PDE3B: variants seen among roughly 807,000 people sequenced by gnomAD.
The protein encoded by PDE3B is cGMP-inhibited 3',5'-cyclic phosphodiesterase 3B.
PDE3B carries 66 observed loss-of-function variants against 116.8 expected under a neutral mutation model. The observed-to-expected ratio is 0.56, with a 90% CI of 0.46 to 0.69. The LOEUF (loss-of-function observed/expected upper bound fraction) is 0.69, where lower values mean the gene tolerates loss of function less well. Among genes scored for constraint, PDE3B ranks in the 30% least tolerant of loss-of-function variants. The pLI is 0.00. For synonymous variants in PDE3B, 595 were observed against 533.6 expected, an observed-to-expected ratio of 1.12 and a Z score of -1.59; for missense variants, 1,384 against 1,368.1, an observed-to-expected ratio of 1.01 and a Z score of -0.18.
intron 4 of PDE3B, among the ~76,000 whole-genome samples, chr11:14,790,291 G>A (rs1346417506): frequency 1.3e-5 from 2 of 150,956 alleles, no homozygotes; most frequent in African/African-American, 4.9e-5. Context: ...AGGAAAATGA[G>A]CATTGGTCCA....
chr11:14,733,484 A>G (rs1856517517), intron 1 of PDE3B, among the ~76,000 whole-genome samples: 1 of 152,230 alleles, frequency 6.6e-6, no homozygotes, highest in Admixed American at 6.5e-5. Flanking sequence ...AATCTTGGTG[A>G]ATTAAATTCA....
chr11:14,758,235 T>C (rs1019253932), intron 1 of PDE3B, among the ~76,000 whole-genome samples: 6 of 151,670 alleles, frequency 4.0e-5, no homozygotes, highest in African/African-American at 1.5e-4. Flanking sequence ...AGTCAGGTAG[T>C]GTGATGCCTC....
chr11:14,716,302 C>T (rs1391419331), intron 1 of PDE3B, among the ~76,000 whole-genome samples: 8 of 152,168 alleles, frequency 5.3e-5, no homozygotes, highest in Non-Finnish European at 8.8e-5. Flanking sequence ...GCTAGCACAG[C>T]AGTCTGAGAT....
rs1417215335 is a variant in PDE3B, at chr11:14,871,707, C to A, written c.*2047C>A. 1 of 152,080 alleles carries A rather than the reference C, an allele frequency of 6.6e-6. No individual in the cohort carries two copies. Among genetic ancestry groups the A allele is most frequent in the African/African-American group, 2.4e-5 (1 of 41,410 alleles). The allele number at this position is 152,080 out of a possible 1,614,324, so 9.4% of individuals were successfully genotyped here. A position where few individuals can be genotyped will look rare whatever the true frequency, so the allele number is the denominator to read the frequency against. ...ATAATATAGTCCTTAAATTATTTAA[C>A]CCTTGCTAAGTAATTGACATATGTA... On this transcript the variant is annotated 3_prime_UTR_variant, in exon 16 of 16. Transcript: ENST00000282096.
chr11:14,706,569 A>G (rs947748905), intron 1 of PDE3B, among the ~76,000 whole-genome samples: 16 of 151,962 alleles, frequency 1.1e-4, no homozygotes, highest in African/African-American at 3.9e-4. Context: ...GTCATATTCA[A>G]AGTGAAATTT....
intron 1 of PDE3B, among the ~76,000 whole-genome samples, chr11:14,667,983 C>T (rs1032538159): frequency 6.7e-6 from 1 of 148,600 alleles, no homozygotes; most frequent in African/African-American, 2.5e-5. Flanking sequence ...AATTTTCAGA[C>T]ATTATAAAAA....
chr11:14,662,175 G>A (rs1025802012), intron 1 of PDE3B, among the ~76,000 whole-genome samples: 4 of 152,176 alleles, frequency 2.6e-5, no homozygotes, highest in Non-Finnish European at 2.9e-5. Flanking sequence ...TGCAGCCACC[G>A]CTGCTGTTAC....
intron 1 of PDE3B, among the ~76,000 whole-genome samples, chr11:14,697,510 T>G (rs1855243402): frequency 6.6e-6 from 1 of 152,140 alleles, no homozygotes; most frequent in Non-Finnish European, 1.5e-5. Flanking sequence ...AATTTTGAAG[T>G]CTGGTAGTGT....
At chr11:14,710,377 A>T (rs1016171637) in intron 1 of PDE3B, among the ~76,000 whole-genome samples, 1 of 152,160 alleles carries the variant, frequency 6.6e-6, no homozygotes, top group Non-Finnish European at 1.5e-5. Flanking sequence ...TTATGGAAAT[A>T]TATCTTGTCC....
rs1366980755 is a variant in PDE3B at position 14,871,263 on chromosome 11, T to TTGAG, written c.*1610_*1613dup. 1 of 152,178 alleles carries TTGAG rather than the reference T, an allele frequency of 6.6e-6. No homozygotes were observed. Among genetic ancestry groups the TTGAG allele is most frequent in the Non-Finnish European group, 1.5e-5 (1 of 68,012 alleles). The allele number at this position is 152,178 out of a possible 1,614,324, so 9.4% of individuals were successfully genotyped here. A position where few individuals can be genotyped will look rare whatever the true frequency, so the allele number is the denominator to read the frequency against. On this transcript the variant is annotated 3_prime_UTR_variant, in exon 16 of 16. Coordinates refer to ENST00000282096, the MANE Select transcript of PDE3B (RefSeq NM_000922.4). ...CACTAAGCTTTATTTATTAGACGTG[T>TTGAG]TGAGTGAGTGCTGAGTTCCTTGCTG... is the stretch of plus-strand genomic sequence containing the variant.
At position 14,803,991 on chromosome 11, in the gene PDE3B, T is replaced by C. The variant is rs1357972037; in HGVS notation, c.1463T>C (p.Ile488Thr). 2 of 1,611,960 alleles carry C rather than the reference T, an allele frequency of 1.2e-6. No homozygotes were observed. The highest frequency in any genetic ancestry group is 2.2e-5 in the South Asian group (2 of 91,008). The change falls in exon 5 of 16, where the codon ATC becomes ACC. Residue 488 changes from isoleucine (I) to threonine (T), a missense_variant. Ile to Thr is a moderately conservative substitution (Grantham distance 89). Coordinates refer to ENST00000282096, the MANE Select transcript of PDE3B (RefSeq NM_000922.4). ...NGPFNSNLLT[I>T]PKQRSSSVSL... ...CCTTTTAATTCAAATCTACTGACTA[T>C]CCCGAAGCAAAGGTCATCTTCTGTA...
At chr11:14,795,992 A>G (rs866907858) in intron 4 of PDE3B, among the ~76,000 whole-genome samples, 18 of 152,120 alleles carry the variant, frequency 1.2e-4, no homozygotes, top group Admixed American at 7.9e-4. Flanking sequence ...CGTCACCTAC[A>G]TTAGATATTT....
intron 1 of PDE3B, among the ~76,000 whole-genome samples, chr11:14,656,474 G>C (rs1853719773): frequency 6.6e-6 from 1 of 152,126 alleles, no homozygotes; most frequent in South Asian, 2.1e-4. Flanking sequence ...GGTGGAGATG[G>C]ATCCCAATTT....
At chr11:14,691,165 G>C (rs1017087046) in intron 1 of PDE3B, among the ~76,000 whole-genome samples, 13 of 152,140 alleles carry the variant, frequency 8.5e-5, no homozygotes, top group Non-Finnish European at 1.6e-4. Context: ...TGCTAGTGCT[G>C]AGTGCAATAA....
chr11:14,795,784 T>G (rs1858533412), intron 4 of PDE3B, among the ~76,000 whole-genome samples: 1 of 152,094 alleles, frequency 6.6e-6, no homozygotes. Flanking sequence ...TTAGAGTGTG[T>G]TTGTATGCTG....
chr11:14,810,667 C>T (rs1160102546), intron 5 of PDE3B, among the ~76,000 whole-genome samples: 4 of 146,590 alleles, frequency 2.7e-5, no homozygotes, highest in Admixed American at 6.9e-5. Flanking sequence ...ATTTATAGTC[C>T]TTTGGGTATA....
At chr11:14,726,171 G>T (rs1166359320) in intron 1 of PDE3B, among the ~76,000 whole-genome samples, 1 of 152,138 alleles carries the variant, frequency 6.6e-6, no homozygotes, top group East Asian at 1.9e-4. Flanking sequence ...TTATGAAAGA[G>T]GTTTTCCCTG....
intron 1 of PDE3B, among the ~76,000 whole-genome samples, chr11:14,714,955 T>C (rs962261945): frequency 6.6e-6 from 1 of 151,336 alleles, no homozygotes; most frequent in Non-Finnish European, 1.5e-5. Flanking sequence ...TAAATATTCT[T>C]AAATATTCTA....
chr11:14,733,371 G>A (rs1231132996), intron 1 of PDE3B, among the ~76,000 whole-genome samples: 4 of 151,816 alleles, frequency 2.6e-5, no homozygotes, highest in Non-Finnish European at 4.4e-5. Flanking sequence ...CTTTTCCTGC[G>A]CATTCTCTCT....
Sources: allele counts gnomAD v4.1 joint callset (sites outside exome capture counted in the v4.1 genomes callset), GRCh38; gene constraint gnomAD v4.1.1; transcripts MANE v1.5; gene names NCBI Gene and HGNC (gene_info 2026-07-23, HGNC 2026-07-21).